Variants in WDFY4 observed in about 807,000 individuals in gnomAD.
WDFY4 encodes WDFY family member 4, also known as WD repeat- and FYVE domain-containing protein 4.
In WDFY4, 169 loss-of-function variants were observed where a neutral mutation model predicts 351.9. The ratio of observed to expected loss-of-function variants is 0.48; its 90% CI spans 0.42 to 0.55. WDFY4 has a LOEUF of 0.55. WDFY4 is among the 20% of genes least tolerant of loss of function. The probability of loss-of-function intolerance (pLI) is 0.00; values close to 1 mark genes in which losing one functional copy is unlikely to be tolerated. For missense variants in WDFY4, 3,803 were observed against 3,935.6 expected (o/e 0.97, Z 0.90); for synonymous variants, 1,622 against 1,574.6 (o/e 1.03, Z -0.71).
At chr10:48,974,519 A>AAAAAAAAAAAAAAACAAAAAAAAAAC (rs1352344126) in intron 57 of WDFY4, among the ~76,000 whole-genome samples, 2 of 49,968 alleles carry the variant, frequency 4.0e-5, no homozygotes, top group Non-Finnish European at 7.2e-5. Context: ...AAAAAAAAAA[A>AAAAAAAAAAAAAAACAAAAAAAAAAC]AAAAAAAAAA....
chr10:48,845,096 G>A (rs188715731), intron 39 of WDFY4, among the ~76,000 whole-genome samples: 1 of 152,308 alleles, frequency 6.6e-6, no homozygotes, highest in East Asian at 1.9e-4. Flanking sequence ...ATATTTGAGA[G>A]CAGAGAGAGG....
At chr10:48,791,017 G>C in intron 23 of WDFY4, 100 bp downstream of exon 23, 2 of 1,423,372 alleles carry the variant, frequency 1.4e-6, no homozygotes, top group Middle Eastern at 1.8e-4. Flanking sequence ...TTCCCTCCAG[G>C]GTGACTTCTA....
At chr10:48,727,401 AG>A in intron 6 of WDFY4, 68 bp from the exon 7 acceptor site, 2 of 1,434,960 alleles carry the variant, frequency 1.4e-6, no homozygotes, top group Non-Finnish European at 9.5e-7. Context: ...TAGGGGAGGT[AG>A]GTGGACCATG....
chr10:48,851,255 G>C (rs1353417246), intron 39 of WDFY4, among the ~76,000 whole-genome samples: 1 of 152,206 alleles, frequency 6.6e-6, no homozygotes, highest in Non-Finnish European at 1.5e-5. Context: ...GTGAGAGCTT[G>C]ATTTGTGCTG....
At position 48,897,478 on chromosome 10, in the gene WDFY4, C is replaced by T. The variant is rs1837142307; in HGVS notation, c.7341C>T (p.Asn2447=). The change falls in exon 45 of 62, where the codon AAC becomes AAT. Residue 2447 remains asparagine, a synonymous_variant. Transcript: ENST00000325239. ...LSNISDPFIF[N]LCSKDRSTDH... The stretch of plus-strand genomic sequence containing the variant: ...GCATCAGCGATCCGTTCATTTTCAA[C>T]CTGTGCAGCAAAGACAGGTCCACTG... The T allele has an allele frequency of 1.9e-6, 3 of 1,551,740 alleles. No individual in the cohort carries two copies. The highest frequency in any genetic ancestry group is 2.0e-5 in the Admixed American group (1 of 51,014).
intron 14 of WDFY4, among the ~76,000 whole-genome samples, chr10:48,775,037 G>C (rs551945319): frequency 6.6e-6 from 1 of 152,200 alleles, no homozygotes; most frequent in Non-Finnish European, 1.5e-5. Flanking sequence ...TAGGGAGTTG[G>C]GCAGTAAGCA....
intron 13 of WDFY4, among the ~76,000 whole-genome samples, chr10:48,764,953 G>T (rs889031605): frequency 5.9e-5 from 9 of 152,228 alleles, no homozygotes; most frequent in African/African-American, 2.2e-4. Flanking sequence ...GGCTTTAAAG[G>T]AAAGGGATGT....
At chr10:48,897,613 G>C (rs768540766) in intron 45 of WDFY4, 39 bp downstream of exon 45, 16 of 1,534,178 alleles carry the variant, frequency 1.0e-5, no homozygotes, top group Non-Finnish European at 2.6e-6. Flanking sequence ...GGGCCTGCGA[G>C]AGGCAGGGCC....
intron 36 of WDFY4, among the ~76,000 whole-genome samples, 173 bp from the exon 37 acceptor site, chr10:48,828,605 T>C (rs547044225): frequency 6.6e-6 from 1 of 152,336 alleles, no homozygotes; most frequent in East Asian, 1.9e-4. Context: ...CACTCTAAAA[T>C]ATCTGCTGTG....
At chr10:48,768,184 T>C (rs17836440) in intron 13 of WDFY4, among the ~76,000 whole-genome samples, 55,824 of 151,984 alleles carry the variant, frequency 0.37, 10,840 homozygotes, top group Middle Eastern at 0.48. Context: ...AGATCAGCTG[T>C]ACCAGAAGTG....
chr10:48,707,320 G>A (rs1448914927), intron 1 of WDFY4, among the ~76,000 whole-genome samples: 1 of 152,230 alleles, frequency 6.6e-6, no homozygotes, highest in Non-Finnish European at 1.5e-5. Flanking sequence ...TGCTGTGGGG[G>A]AGATGGCCTG....
intron 44 of WDFY4, among the ~76,000 whole-genome samples, chr10:48,892,484 A>G (rs1179631932): frequency 1.3e-5 from 2 of 152,206 alleles, no homozygotes; most frequent in Non-Finnish European, 2.9e-5. Flanking sequence ...AGATAGTTTT[A>G]GTCACCATAC....
rs1026834147 is a variant in WDFY4, at chr10:48,969,035, A to T, written c.8585-29A>T. On this transcript the variant is annotated intron_variant, in intron 55 of 61. Coordinates refer to ENST00000325239, the MANE Select transcript of WDFY4 (RefSeq NM_001394531.1). Reference sequence around the variant, plus strand: ...TGTAGTGGGTGCTGTTCTTCCATGCATAAGTTCGCCATACTAACTGGGGTG... The same window carrying T: ...TGTAGTGGGTGCTGTTCTTCCATGCTTAAGTTCGCCATACTAACTGGGGTG... 4.5e-6 allele frequency: 7 copies of T among 1,546,494 alleles called. No homozygotes were observed. In the African/African-American group the frequency reaches 9.6e-5, roughly 21 times the overall value.
At chr10:48,845,457 T>A (rs1387745524) in intron 39 of WDFY4, among the ~76,000 whole-genome samples, 2 of 150,852 alleles carry the variant, frequency 1.3e-5, no homozygotes, top group African/African-American at 5.0e-5. Context: ...ATAATTATGC[T>A]GTAAAAAGAG....
In WDFY4 at chr10:48,783,603, A is replaced by G. The variant is rs187859505; in HGVS notation, c.3577-3036A>G. 4.2e-3 allele frequency among the ~76,000 whole-genome samples: 640 copies of G among 152,210 alleles called. 2 individuals carry two copies. The highest frequency in any genetic ancestry group is 0.015 in the African/African-American group (604 of 41,530). ...TAAATGCATTTTGAAATAGCTCAAA[A>G]ATAGAGAAAAGATTAGCTACCCTCC... On this transcript the variant is annotated intron_variant, in intron 19 of 61. Coordinates refer to ENST00000325239, the MANE Select transcript of WDFY4 (RefSeq NM_001394531.1).
intron 38 of WDFY4, 43 bp from the exon 39 acceptor site, chr10:48,832,530 G>T (rs936734412): frequency 6.7e-7 from 1 of 1,494,232 alleles, no homozygotes; most frequent in Non-Finnish European, 9.0e-7. Flanking sequence ...AATAGTGTGT[G>T]CTCTCACTTC....
chr10:48,817,158 A>G, intron 31 of WDFY4, 87 bp from the exon 32 acceptor site: 1 of 1,437,422 alleles, frequency 7.0e-7, no homozygotes. Context: ...TCAGGAAGGA[A>G]TCTTCTCCCT....
intron 43 of WDFY4, among the ~76,000 whole-genome samples, chr10:48,885,631 C>G (rs547692074): frequency 6.6e-6 from 1 of 151,810 alleles, no homozygotes. Flanking sequence ...GTGAAAAGAT[C>G]GATGCATCAT....
chr10:48,778,959 G>C, intron 18 of WDFY4, 127 bp downstream of exon 18: 5 of 1,083,730 alleles, frequency 4.6e-6, no homozygotes, highest in East Asian at 2.6e-5. Flanking sequence ...CTTTGAAATT[G>C]CTCCCTTGGG....
Sources: allele counts gnomAD v4.1 joint callset (sites outside exome capture counted in the v4.1 genomes callset), GRCh38; gene constraint gnomAD v4.1.1; transcripts MANE v1.5; gene names NCBI Gene and HGNC (gene_info 2026-07-23, HGNC 2026-07-21).